The following OSBP2 variants were observed in gnomAD, a reference collection of about 807,000 sequenced individuals.
The protein encoded by OSBP2 is oxysterol-binding protein 2.
In OSBP2, 66 loss-of-function variants were observed where a neutral mutation model predicts 96.0. That is an observed-to-expected ratio of 0.69 (90% confidence interval 0.56 to 0.84). The LOEUF (loss-of-function observed/expected upper bound fraction) is 0.84. OSBP2 is among the 40% of genes least tolerant of loss of function. The pLI is 0.00. For synonymous variants in OSBP2, 525 were observed against 520.9 expected, an observed-to-expected ratio of 1.01 and a Z score of -0.11; for missense variants, 1,038 against 1,222.7, an observed-to-expected ratio of 0.85 and a Z score of 2.25.
chr22:30,694,277 G>C (rs1453674985), upstream of OSBP2: 2 of 1,549,876 alleles, frequency 1.3e-6, no homozygotes, highest in Admixed American at 3.9e-5. Context: ...TGGCTCAGGA[G>C]GTGGAGGCGG....
At chr22:30,820,306 T>A (rs2038246876) in intron 2 of OSBP2, among the ~76,000 whole-genome samples, 1 of 152,094 alleles carries the variant, frequency 6.6e-6, no homozygotes, top group Non-Finnish European at 1.5e-5. Flanking sequence ...GGAGGATTGC[T>A]TGAGCCCAGG....
At chr22:30,776,333 C>T (rs1360204608) in intron 2 of OSBP2, among the ~76,000 whole-genome samples, 1 of 152,018 alleles carries the variant, frequency 6.6e-6, no homozygotes, top group African/African-American at 2.4e-5. Flanking sequence ...CCATGTTGCC[C>T]AGGCTGGTCT....
intron 2 of OSBP2, among the ~76,000 whole-genome samples, chr22:30,803,599 G>T (rs1227227781): frequency 6.6e-6 from 1 of 152,226 alleles, no homozygotes; most frequent in African/African-American, 2.4e-5. Context: ...TTTTAGCAGG[G>T]GAAGGCAAGC....
At chr22:30,884,572 G>A (rs1337602724) in intron 3 of OSBP2, among the ~76,000 whole-genome samples, 1 of 152,222 alleles carries the variant, frequency 6.6e-6, no homozygotes, top group Non-Finnish European at 1.5e-5. Flanking sequence ...GTGCTTGAGG[G>A]AGATGGGGGA....
chr22:30,851,153 C>A (rs1260792301), intron 2 of OSBP2, among the ~76,000 whole-genome samples: 1 of 152,106 alleles, frequency 6.6e-6, no homozygotes, highest in Non-Finnish European at 1.5e-5. Context: ...CTTCCTCCTC[C>A]CAGGTTCATA....
At chr22:30,828,501 T>G (rs1321104810) in intron 2 of OSBP2, among the ~76,000 whole-genome samples, 1 of 152,138 alleles carries the variant, frequency 6.6e-6, no homozygotes, top group African/African-American at 2.4e-5. Flanking sequence ...GCGCTGGCCA[T>G]GCCAAGTAGA....
intron 2 of OSBP2, among the ~76,000 whole-genome samples, chr22:30,752,513 A>T (rs2090090555): frequency 6.6e-6 from 1 of 151,764 alleles, no homozygotes; most frequent in South Asian, 2.1e-4. Context: ...GATGGTCTCG[A>T]TCTCCTGACC....
intron 2 of OSBP2, among the ~76,000 whole-genome samples, chr22:30,780,586 C>G (rs1272098930): frequency 6.6e-6 from 1 of 152,196 alleles, no homozygotes; most frequent in African/African-American, 2.4e-5. Context: ...CAACCTCCAC[C>G]TCCCGGGTTC....
intron 2 of OSBP2, among the ~76,000 whole-genome samples, chr22:30,763,452 GC>G (rs2090231206): frequency 6.6e-6 from 1 of 152,184 alleles, no homozygotes; most frequent in South Asian, 2.1e-4. Flanking sequence ...TTCAAGACCA[GC>G]CTGGCCAACA....
At chr22:30,749,319 A>G (rs552989624) in intron 2 of OSBP2, among the ~76,000 whole-genome samples, 5 of 152,218 alleles carry the variant, frequency 3.3e-5, no homozygotes, top group African/African-American at 1.2e-4. Flanking sequence ...GGACATTTCC[A>G]TAAGTTCTGA....
intron 2 of OSBP2, among the ~76,000 whole-genome samples, chr22:30,758,848 A>G (rs1300642067): frequency 6.6e-6 from 1 of 152,200 alleles, no homozygotes; most frequent in East Asian, 1.9e-4. Context: ...AGAGCCCAAG[A>G]GAACCAGAAA....
rs116847903 is a variant in OSBP2, at chr22:30,803,991, C to A, written c.853+62622C>A. 1.9e-3 allele frequency among the ~76,000 whole-genome samples: 297 copies of A among 152,330 alleles called. 3 individuals are homozygous for A. The East Asian group carries it at 0.033, about 17-fold the overall frequency. On this transcript the variant is annotated intron_variant, in intron 2 of 13. Transcript: ENST00000332585. ...TGGGCTTCCTCAGCCCCTACAGCTG[C>A]CCCCCTTCTGCCTTGAGCCATCTAC...
At chr22:30,843,127 C>T (rs1205164887) in intron 2 of OSBP2, among the ~76,000 whole-genome samples, 1 of 152,136 alleles carries the variant, frequency 6.6e-6, no homozygotes, top group African/African-American at 2.4e-5. Flanking sequence ...AATTCTGATT[C>T]TCTTGCTATT....
chr22:30,891,473 G>A (rs892883123), intron 8 of OSBP2, among the ~76,000 whole-genome samples: 3 of 152,204 alleles, frequency 2.0e-5, no homozygotes, highest in Admixed American at 6.5e-5. Flanking sequence ...CTGAACCTGG[G>A]CGTCCTGGTT....
intron 1 of OSBP2, among the ~76,000 whole-genome samples, chr22:30,707,866 C>T (rs1187107741): frequency 3.3e-5 from 5 of 151,876 alleles, no homozygotes; most frequent in African/African-American, 1.2e-4. Context: ...ACACATGGCC[C>T]AGCTTCTTCA....
rs1312365735 is a variant in OSBP2 at position 30,907,403 on chromosome 22, T to A, written c.*1064T>A. The A allele has an allele frequency of 6.6e-6, 1 of 152,042 alleles. No individual in the cohort carries two copies. Among genetic ancestry groups the A allele is most frequent in the Non-Finnish European group, 1.5e-5 (1 of 68,004 alleles). The allele number at this position is 152,042 out of a possible 1,614,324, so 9.4% of individuals were successfully genotyped here. A position where few individuals can be genotyped will look rare whatever the true frequency, so the allele number is the denominator to read the frequency against. On this transcript the variant is annotated 3_prime_UTR_variant, in exon 14 of 14. Coordinates refer to ENST00000332585, the MANE Select transcript of OSBP2 (RefSeq NM_030758.4). Reference sequence around the variant, plus strand: ...ACAGTATGTAAAAGTGAAAAAATGATGAAGACGGGTGCACCTGTCTGAGTT... The same window carrying A: ...ACAGTATGTAAAAGTGAAAAAATGAAGAAGACGGGTGCACCTGTCTGAGTT...
intron 2 of OSBP2, among the ~76,000 whole-genome samples, chr22:30,817,629 G>A (rs1406933617): frequency 2.6e-5 from 4 of 152,192 alleles, no homozygotes; most frequent in Non-Finnish European, 2.9e-5. Flanking sequence ...GGTTCGATAG[G>A]CTGGGGTGAA....
intron 1 of OSBP2, among the ~76,000 whole-genome samples, chr22:30,730,809 A>ATATTT (rs1569100787): frequency 1.4e-4 from 3 of 21,264 alleles, no homozygotes; most frequent in African/African-American, 3.9e-4. Flanking sequence ...TATATATATA[A>ATATTT]TTTTTTTTTT....
chr22:30,713,891 A>G (rs1205621764), intron 1 of OSBP2, among the ~76,000 whole-genome samples: 4 of 152,192 alleles, frequency 2.6e-5, no homozygotes, highest in African/African-American at 9.7e-5. Context: ...TCAAACATTT[A>G]TCATTTCTTT....
Sources: allele counts gnomAD v4.1 joint callset (sites outside exome capture counted in the v4.1 genomes callset), GRCh38; gene constraint gnomAD v4.1.1; transcripts MANE v1.5; gene names NCBI Gene and HGNC (gene_info 2026-07-23, HGNC 2026-07-21).